The following LRFN5 variants were observed in gnomAD, a reference collection of about 807,000 sequenced individuals.
The protein encoded by LRFN5 is leucine-rich repeat and fibronectin type-III domain-containing protein 5.
A neutral mutation model predicts 45.6 loss-of-function variants in LRFN5; 24 were observed. The observed-to-expected ratio is 0.53, with a 90% CI of 0.38 to 0.74. The LOEUF (loss-of-function observed/expected upper bound fraction) is 0.74. LRFN5 is among the 30% of genes least tolerant of loss of function. The pLI, the probability that LRFN5 is intolerant of heterozygous loss-of-function variation, is 0.00. For missense variants in LRFN5, 776 were observed against 861.5 expected, an observed-to-expected ratio of 0.90 and a Z score of 1.24; for synonymous variants, 340 against 313.8, an observed-to-expected ratio of 1.08 and a Z score of -0.88.
intron 2 of LRFN5, among the ~76,000 whole-genome samples, chr14:41,809,036 G>C (rs1353781748): frequency 1.3e-5 from 2 of 152,076 alleles, no homozygotes; most frequent in Admixed American, 1.3e-4. Flanking sequence ...CTTTAGTTAT[G>C]TGAAGCAGGA....
At chr14:41,809,386 T>G (rs1887661205) in intron 2 of LRFN5, among the ~76,000 whole-genome samples, 1 of 151,760 alleles carries the variant, frequency 6.6e-6, no homozygotes, top group Non-Finnish European at 1.5e-5. Context: ...AACTCTTTTA[T>G]TTTTTTTAAT....
chr14:41,673,343 G>T (rs1389169424), intron 1 of LRFN5, among the ~76,000 whole-genome samples: 2 of 144,602 alleles, frequency 1.4e-5, no homozygotes, highest in Non-Finnish European at 3.1e-5. Flanking sequence ...CCGGGCGGGG[G>T]GCTGACCCCC....
chr14:41,720,298 T>C (rs143906696), intron 1 of LRFN5, among the ~76,000 whole-genome samples: 86 of 152,268 alleles, frequency 5.6e-4, no homozygotes, highest in Middle Eastern at 3.4e-3. Context: ...TAGTATTCCA[T>C]GATGTATATG....
chr14:41,692,590 A>G (rs1357277225), intron 1 of LRFN5, among the ~76,000 whole-genome samples: 1 of 151,950 alleles, frequency 6.6e-6, no homozygotes, highest in African/African-American at 2.4e-5. Context: ...AACAGGCCCC[A>G]GTGTGTGATG....
chr14:41,864,957 T>G (rs1212845827), intron 2 of LRFN5, among the ~76,000 whole-genome samples: 1 of 152,090 alleles, frequency 6.6e-6, no homozygotes, highest in Non-Finnish European at 1.5e-5. Flanking sequence ...AGTTAATTAC[T>G]TTGCCACTTT....
At chr14:41,622,477 A>G (rs530455049) in intron 1 of LRFN5, among the ~76,000 whole-genome samples, 29 of 152,248 alleles carry the variant, frequency 1.9e-4, no homozygotes, top group Admixed American at 5.2e-4. Flanking sequence ...ACATGTATGA[A>G]TATACACATA....
At chr14:41,870,429 C>T (rs1002714469) in intron 2 of LRFN5, among the ~76,000 whole-genome samples, 21 of 152,190 alleles carry the variant, frequency 1.4e-4, no homozygotes, top group Admixed American at 4.6e-4. Context: ...CAGTTCCACA[C>T]GGCTAGGGAG....
At chr14:41,774,573 T>A (rs1038806330) in intron 2 of LRFN5, among the ~76,000 whole-genome samples, 3 of 152,176 alleles carry the variant, frequency 2.0e-5, no homozygotes, top group African/African-American at 7.2e-5. Context: ...CAAAATTTAA[T>A]GTTGAAACTA....
chr14:41,893,013 G>A, intron 4 of LRFN5: 1 of 984,406 alleles, frequency 1.0e-6, no homozygotes, highest in East Asian at 1.1e-4. Context: ...TTCTAATGGT[G>A]TTCTCATTAT....
At chr14:41,844,166 A>C (rs144084347) in intron 2 of LRFN5, among the ~76,000 whole-genome samples, 1 of 152,182 alleles carries the variant, frequency 6.6e-6, no homozygotes, top group African/African-American at 2.4e-5. Context: ...GGCCGGGTGC[A>C]GTGGCTCACG....
chr14:41,689,895 A>C (rs1882296124), intron 1 of LRFN5, among the ~76,000 whole-genome samples: 1 of 27,674 alleles, frequency 3.6e-5, no homozygotes, highest in African/African-American at 3.7e-4. Flanking sequence ...ACTCCGTCTC[A>C]AAAAAAAAAA....
At chr14:41,628,999 G>T (rs1018774269) in intron 1 of LRFN5, among the ~76,000 whole-genome samples, 1 of 152,082 alleles carries the variant, frequency 6.6e-6, no homozygotes, top group Non-Finnish European at 1.5e-5. Context: ...AAATCCAGTT[G>T]TTAGGTTAGA....
intron 2 of LRFN5, among the ~76,000 whole-genome samples, chr14:41,861,719 GT>G (rs1321767879): frequency 2.0e-5 from 3 of 152,144 alleles, no homozygotes; most frequent in Admixed American, 2.0e-4. Flanking sequence ...AATTTTAAAG[GT>G]TTTATTGAAG....
At chr14:41,783,265 A>G (rs1040501048) in intron 2 of LRFN5, among the ~76,000 whole-genome samples, 4 of 151,902 alleles carry the variant, frequency 2.6e-5, no homozygotes, top group African/African-American at 9.7e-5. Flanking sequence ...TCTCACTCTC[A>G]CTCTCAGCCT....
intron 1 of LRFN5, among the ~76,000 whole-genome samples, chr14:41,698,139 A>G (rs1253972867): frequency 1.3e-5 from 2 of 152,044 alleles, no homozygotes; most frequent in Non-Finnish European, 2.9e-5. Flanking sequence ...AGAAATGTGT[A>G]AAGCAACAAA....
At position 41,672,162 on chromosome 14, in the gene LRFN5, T is replaced by G. The variant is rs192938541; in HGVS notation, c.-197+63600T>G. On this transcript the variant is annotated intron_variant, in intron 1 of 5. Transcript: ENST00000298119. ...TAATAAGCATTCCTTCTTACCTCAC[T>G]AGACGTTAGGATTAAGTTAGGATAA... Among the ~76,000 whole-genome samples the G allele has an allele frequency of 6.0e-4, 92 of 152,346 alleles. 1 individual carries two copies. Among genetic ancestry groups the G allele is most frequent in the African/African-American group, 1.9e-3 (81 of 41,596 alleles).
chr14:41,810,771 A>G (rs528253872), intron 2 of LRFN5, among the ~76,000 whole-genome samples: 49 of 152,228 alleles, frequency 3.2e-4, no homozygotes, highest in Non-Finnish European at 6.0e-4. Flanking sequence ...TAAGATATCA[A>G]TAACACACCC....
chr14:41,877,123 T>G (rs1433410973), intron 2 of LRFN5, among the ~76,000 whole-genome samples: 1 of 152,196 alleles, frequency 6.6e-6, no homozygotes, highest in Non-Finnish European at 1.5e-5. Context: ...TCTCTCTCTC[T>G]TAAAACTGCC....
intron 1 of LRFN5, among the ~76,000 whole-genome samples, chr14:41,642,365 C>T (rs1157147762): frequency 6.6e-6 from 1 of 152,180 alleles, no homozygotes; most frequent in Non-Finnish European, 1.5e-5. Flanking sequence ...TTCCTTTGCA[C>T]CTCAGCATTT....
Sources: gnomAD v4.1 joint callset for allele counts (sites outside exome capture counted in the v4.1 genomes callset) on GRCh38, gnomAD v4.1.1 for gene constraint, MANE v1.5 for transcripts, NCBI Gene and HGNC (gene_info 2026-07-23, HGNC 2026-07-21) for gene names.